HGSNAT: variants seen among roughly 807,000 people sequenced by gnomAD.
HGSNAT encodes the protein heparan-alpha-glucosaminide N-acetyltransferase, also known as transmembrane protein 76.
Under a neutral mutation model 85.2 loss-of-function variants are expected in HGSNAT, and 59 were observed. The ratio of observed to expected loss-of-function variants is 0.69; its 90% CI spans 0.56 to 0.86. HGSNAT has a LOEUF of 0.86. HGSNAT is among the 40% of genes least tolerant of loss of function. The pLI, the probability that HGSNAT is intolerant of heterozygous loss-of-function variation, is 0.00. For synonymous variants in HGSNAT, 321 were observed against 304.5 expected (o/e 1.05, Z -0.56); for missense variants, 756 against 777.1 (o/e 0.97, Z 0.32).
chr8:43,175,896 A>T (rs1273968849), intron 9 of HGSNAT, among the ~76,000 whole-genome samples: 2 of 151,520 alleles, frequency 1.3e-5, no homozygotes, highest in East Asian at 3.9e-4. Context: ...GGATTATTAG[A>T]TTTTTTTTCC....
intron 14 of HGSNAT, among the ~76,000 whole-genome samples, chr8:43,194,779 T>C (rs1804652000): frequency 6.6e-6 from 1 of 152,182 alleles, no homozygotes; most frequent in Non-Finnish European, 1.5e-5. Context: ...GTGAATGGGA[T>C]TGTTGCCCTT....
chr8:43,197,638 T>C (rs371555746), intron 15 of HGSNAT, 34 bp from the exon 16 acceptor site: 4 of 1,499,114 alleles, frequency 2.7e-6, no homozygotes, highest in Non-Finnish European at 3.7e-6. Context: ...GATAATAATA[T>C]AAAATGTTAA....
At chr8:43,173,472 G>A (rs1032128924) in intron 8 of HGSNAT, among the ~76,000 whole-genome samples, 1 of 151,904 alleles carries the variant, frequency 6.6e-6, no homozygotes, top group Admixed American at 6.6e-5. Context: ...ACCACACCCG[G>A]CTAATTTTTG....
intron 10 of HGSNAT, 179 bp from the exon 11 acceptor site, chr8:43,181,966 T>G (rs1804140291): frequency 1.6e-6 from 1 of 618,152 alleles, no homozygotes; most frequent in South Asian, 2.0e-5. Context: ...TGGCCTGTTT[T>G]TGGAAGCTGG....
rs1266699404 is a variant in HGSNAT at position 43,191,501 on chromosome 8, A to G, written c.1156A>G (p.Ile386Val). 1 of 1,613,834 alleles carries G rather than the reference A, an allele frequency of 6.2e-7. No homozygotes were observed. The highest frequency in any genetic ancestry group is 1.3e-5 in the African/African-American group (1 of 74,928). Reference sequence around the variant, plus strand: ...GAGGAGCTGCCTTTCTCTTCGAGACATCACGTCCAGCTGGCCCCAGTGGCT... The same window carrying G: ...GAGGAGCTGCCTTTCTCTTCGAGACGTCACGTCCAGCTGGCCCCAGTGGCT... ...SERSCLSLRD[I>V]TSSWPQWLLI... The change falls in exon 12 of 18, where the codon ATC (isoleucine) becomes GTC (valine). Residue 386 changes from isoleucine (I) to valine (V), a missense_variant. Transcript: ENST00000379644.
Position 43,199,689 on chromosome 8 carries a change from T to TG in HGSNAT, c.*125dup. ...TGACTGGCTGCGTGTTTACAGACTC[T>TG]GGGGGAAGACACTGATGTCCTCAAA... On this transcript the variant is annotated 3_prime_UTR_variant, in exon 18 of 18. Transcript: ENST00000379644. 1.4e-6 allele frequency: 1 copy of TG among 710,226 alleles called. No homozygotes were observed. 44.0% of individuals were successfully genotyped at this position (710,226 alleles called of 1,614,324 possible).
At chr8:43,150,992 T>C (rs1291937390) in intron 2 of HGSNAT, among the ~76,000 whole-genome samples, 2 of 152,150 alleles carry the variant, frequency 1.3e-5, no homozygotes, top group Admixed American at 1.3e-4. Flanking sequence ...ATGAAGTAGA[T>C]ATTAGAATAA....
chr8:43,186,606 A>AT (rs1394508208), intron 11 of HGSNAT, among the ~76,000 whole-genome samples: 2 of 151,580 alleles, frequency 1.3e-5, no homozygotes, highest in African/African-American at 2.4e-5. Flanking sequence ...GGATTCATTG[A>AT]TTTTTTTGAA....
At chr8:43,144,813 T>C (rs1369048951) in intron 1 of HGSNAT, among the ~76,000 whole-genome samples, 1 of 152,208 alleles carries the variant, frequency 6.6e-6, no homozygotes, top group Non-Finnish European at 1.5e-5. Flanking sequence ...AGTAATGTTT[T>C]ACAGAAAGAG....
intron 1 of HGSNAT, among the ~76,000 whole-genome samples, chr8:43,141,502 A>G (rs1183777129): frequency 6.6e-6 from 1 of 152,086 alleles, no homozygotes; most frequent in African/African-American, 2.4e-5. Flanking sequence ...GGGGAGCCCC[A>G]GGCCCTAGGT....
intron 1 of HGSNAT, among the ~76,000 whole-genome samples, chr8:43,145,299 T>C (rs777619333): frequency 5.9e-5 from 9 of 152,126 alleles, no homozygotes; most frequent in African/African-American, 1.9e-4. Context: ...ATCCTCATGA[T>C]GGCCAAAAAA....
chr8:43,162,758 C>G (rs957269544), intron 5 of HGSNAT, among the ~76,000 whole-genome samples: 1 of 151,020 alleles, frequency 6.6e-6, no homozygotes, highest in African/African-American at 2.4e-5. Context: ...TTAGTGGAGA[C>G]GGGGTCTTGA....
At chr8:43,143,684 C>T (rs1438676952) in intron 1 of HGSNAT, among the ~76,000 whole-genome samples, 1 of 151,804 alleles carries the variant, frequency 6.6e-6, no homozygotes, top group Non-Finnish European at 1.5e-5. Context: ...ACTATAGGCA[C>T]CCACCATCAC....
At chr8:43,191,974 G>A (rs1186646665) in intron 12 of HGSNAT, among the ~76,000 whole-genome samples, 1 of 152,078 alleles carries the variant, frequency 6.6e-6, no homozygotes, top group African/African-American at 2.4e-5. Context: ...TGTCGCCCAG[G>A]CAGGAGTGCA....
intron 5 of HGSNAT, among the ~76,000 whole-genome samples, chr8:43,163,022 T>C (rs1803316198): frequency 6.6e-6 from 1 of 152,020 alleles, no homozygotes; most frequent in African/African-American, 2.4e-5. Flanking sequence ...CCATCTCTAC[T>C]AAAAATACAA....
intron 2 of HGSNAT, among the ~76,000 whole-genome samples, chr8:43,154,047 CTTTTCTTTT>C (rs1803008591): frequency 6.7e-6 from 1 of 149,908 alleles, no homozygotes; most frequent in African/African-American, 2.5e-5. Context: ...ATTTTCTTTT[CTTTTCTTTT>C]TTTTCTTGAA....
intron 5 of HGSNAT, 144 bp downstream of exon 5, chr8:43,161,651 T>C: frequency 1.8e-6 from 1 of 543,428 alleles, no homozygotes; most frequent in Non-Finnish European, 3.2e-6. Context: ...GTGCTAGGCT[T>C]CAGGGACTCA....
intron 5 of HGSNAT, among the ~76,000 whole-genome samples, chr8:43,168,649 G>T (rs190741776): frequency 6.6e-6 from 1 of 151,752 alleles, no homozygotes; most frequent in African/African-American, 2.4e-5. Flanking sequence ...CACCCACCTC[G>T]GCCCCCCAAA....
intron 14 of HGSNAT, 102 bp downstream of exon 14, chr8:43,193,945 C>T: frequency 6.5e-7 from 1 of 1,539,290 alleles, no homozygotes; most frequent in African/African-American, 1.4e-5. Flanking sequence ...CATATTCTCT[C>T]TTGTGCTATG....
Sources: allele counts gnomAD v4.1 joint callset (sites outside exome capture counted in the v4.1 genomes callset), GRCh38; gene constraint gnomAD v4.1.1; transcripts MANE v1.5; gene names NCBI Gene and HGNC (gene_info 2026-07-23, HGNC 2026-07-21).